GCLC: variants seen among roughly 807,000 people sequenced by gnomAD.
The protein encoded by GCLC is glutamate--cysteine ligase catalytic subunit.
GCLC carries 30 observed loss-of-function variants against 81.5 expected under a neutral mutation model. The observed-to-expected ratio is 0.37, with a 90% CI of 0.28 to 0.50. GCLC has a LOEUF of 0.50. GCLC is among the 20% of genes least tolerant of loss of function. The pLI is 0.96. For missense variants in GCLC, 556 were observed against 777.4 expected, an observed-to-expected ratio of 0.72 and a Z score of 3.39; for synonymous variants, 262 against 273.3, an observed-to-expected ratio of 0.96 and a Z score of 0.41.
intron 1 of GCLC, among the ~76,000 whole-genome samples, chr6:53,529,859 A>C (rs1271975504): frequency 6.6e-6 from 1 of 152,238 alleles, no homozygotes; most frequent in Non-Finnish European, 1.5e-5. Context: ...CTCTAGGTGC[A>C]GGAGAGTTTA....
intron 4 of GCLC, among the ~76,000 whole-genome samples, chr6:53,515,401 A>C (rs1461766730): frequency 6.6e-6 from 1 of 152,220 alleles, no homozygotes; most frequent in South Asian, 2.1e-4. Context: ...ATTTTCCTTT[A>C]AACACATGAC....
At position 53,500,298 on chromosome 6, in the gene GCLC, G is replaced by A. The variant is rs149292710; in HGVS notation, c.1530C>T (p.Leu510=). ...GCGKAQNSTE[L]AAEEYTLMSI... is the part of the protein sequence containing the mutation. Reference sequence around the variant, plus strand: ...TCATGAGGGTGTACTCCTCTGCAGCGAGCTCCGTGCTGTTCTGGGCCTTGC... The same window carrying A: ...TCATGAGGGTGTACTCCTCTGCAGCAAGCTCCGTGCTGTTCTGGGCCTTGC... The change falls in exon 14 of 16, where the codon CTC becomes CTT. Residue 510 remains leucine (L), a synonymous_variant. Transcript: ENST00000650454. The A allele has an allele frequency of 2.9e-5, 47 of 1,614,034 alleles. No homozygotes were observed. The highest frequency in any genetic ancestry group is 5.3e-5 in the African/African-American group (4 of 74,902).
intron 1 of GCLC, 44 bp downstream of exon 1, chr6:53,544,452 C>T (rs113930884): frequency 2.5e-6 from 4 of 1,596,574 alleles, no homozygotes; most frequent in East Asian, 2.2e-5. Context: ...GCGCGGGCGG[C>T]CAGACACGGG....
chr6:53,516,069 A>G lies in GCLC; in HGVS notation c.560+40T>C, dbSNP rs372187456. 174 of 1,112,718 alleles carry G rather than the reference A, an allele frequency of 1.6e-4. 1 individual carries two copies. Among genetic ancestry groups the G allele is most frequent in the Non-Finnish European group, 2.4e-4 (171 of 722,582 alleles). 68.9% of individuals were successfully genotyped at this position (1,112,718 alleles called of 1,614,324 possible). ...CTATACTCTCAGAAGTCAGGGGTCT[A>G]GTGAAGGGCATCTGCATTTCAACAC... On this transcript the variant is annotated intron_variant, in intron 4 of 15. Transcript: ENST00000650454.
chr6:53,500,614 G>A, intron 12 of GCLC, 101 bp from the exon 13 acceptor site: 1 of 844,832 alleles, frequency 1.2e-6, no homozygotes, highest in East Asian at 2.4e-5. Flanking sequence ...CATTCCCTTA[G>A]GGATTCTACT....
At chr6:53,544,165 C>T (rs1763405323) in intron 1 of GCLC, among the ~76,000 whole-genome samples, 2 of 152,190 alleles carry the variant, frequency 1.3e-5, no homozygotes, top group Admixed American at 1.3e-4. Context: ...TGGTAGTTGC[C>T]GGTCTGCAGA....
intron 1 of GCLC, among the ~76,000 whole-genome samples, chr6:53,540,409 C>T (rs1459619846): frequency 6.6e-6 from 1 of 151,288 alleles, no homozygotes; most frequent in Non-Finnish European, 1.5e-5. Flanking sequence ...ATACATCGGT[C>T]ACAGAAGGAC....
At chr6:53,509,551 A>C (rs1322263214) in intron 6 of GCLC, 1 of 471,902 alleles carries the variant, frequency 2.1e-6, no homozygotes, top group Non-Finnish European at 3.8e-6. Context: ...ATGTTTAGCA[A>C]AGCATTTTCT....
chr6:53,529,683 T>C (rs1763141155), intron 1 of GCLC, among the ~76,000 whole-genome samples: 1 of 152,252 alleles, frequency 6.6e-6, no homozygotes, highest in South Asian at 2.1e-4. Flanking sequence ...TCCTTGGCTT[T>C]TTCCTAAGAA....
chr6:53,511,014 A>G (rs758248235), intron 6 of GCLC, among the ~76,000 whole-genome samples: 70 of 152,344 alleles, frequency 4.6e-4, no homozygotes, highest in Admixed American at 6.5e-5. Context: ...CGCTTTGCAT[A>G]TGGCATGAAA....
chr6:53,497,813 C>G lies in GCLC; in HGVS notation c.*943G>C, dbSNP rs1204805483. On this transcript the variant is annotated 3_prime_UTR_variant, in exon 16 of 16. Transcript: ENST00000650454. ...ATGTAGAATATTCCCCAGGTAAAAT[C>G]TGGAGTGAATGGCTTTTAGAGGAAA... 6.6e-6 allele frequency: 1 copy of G among 152,448 alleles called. No homozygotes were observed. The highest frequency in any genetic ancestry group is 2.4e-5 in the African/African-American group (1 of 41,370). 9.4% of individuals were successfully genotyped at this position (152,448 alleles called of 1,614,324 possible). A position where few individuals can be genotyped will look rare whatever the true frequency, so the allele number is the denominator to read the frequency against.
At chr6:53,515,842 A>G (rs1012180940) in intron 4 of GCLC, among the ~76,000 whole-genome samples, 1 of 152,216 alleles carries the variant, frequency 6.6e-6, no homozygotes, top group Admixed American at 6.5e-5. Context: ...CTCCCTATTA[A>G]AAGAGTTATT....
intron 1 of GCLC, among the ~76,000 whole-genome samples, chr6:53,527,860 G>A (rs1763109415): frequency 6.6e-6 from 1 of 152,182 alleles, no homozygotes. Flanking sequence ...CCCCAGGGGA[G>A]CTGCACCACT....
intron 6 of GCLC, among the ~76,000 whole-genome samples, chr6:53,511,200 G>A (rs1300442356): frequency 2.0e-5 from 2 of 100,656 alleles, no homozygotes; most frequent in Admixed American, 1.1e-4. Flanking sequence ...AAAAAAAAAA[G>A]TGGGGGGGGG....
intron 8 of GCLC, 131 bp downstream of exon 8, chr6:53,508,464 C>T (rs1764663317): frequency 5.3e-6 from 4 of 754,040 alleles, no homozygotes; most frequent in Admixed American, 1.7e-5. Context: ...ATTAACTCCC[C>T]ACCTAGACCA....
At position 53,506,338 on chromosome 6, in the gene GCLC, G is replaced by A; in HGVS notation, c.1198-443C>T. Reference sequence around the variant, plus strand: ...CTTCGATGACCCAAGAGCCTAAGAAGGGTAGCTGTTTCTCAATACACTGAG... The same window carrying A: ...CTTCGATGACCCAAGAGCCTAAGAAAGGTAGCTGTTTCTCAATACACTGAG... On this transcript the variant is annotated intron_variant, in intron 10 of 15. Transcript: ENST00000650454. The surrounding 1 kb of genome is among the most constrained non-coding windows in gnomAD (Gnocchi z 4.0). The A allele has an allele frequency of 4.0e-6, 1 of 252,944 alleles. No individual in the cohort carries two copies. Among genetic ancestry groups the A allele is most frequent in the Non-Finnish European group, 7.7e-6 (1 of 130,196 alleles). The allele number at this position is 252,944 out of a possible 1,614,324, so 15.7% of individuals were successfully genotyped here.
At position 53,506,748 on chromosome 6, in the gene GCLC, T is replaced by C; in HGVS notation, c.1197+165A>G. Reference sequence around the variant, plus strand: ...TTTTTTATTTGTCCAAGTTCTTTACTGCACTGGGTAAATGAAAGTCTTATG... The same window carrying C: ...TTTTTTATTTGTCCAAGTTCTTTACCGCACTGGGTAAATGAAAGTCTTATG... On this transcript the variant is annotated intron_variant, in intron 10 of 15. Transcript: ENST00000650454. This position sits in a 1 kb window ranked among gnomAD's most constrained non-coding sequence, Gnocchi z 4.0. 1.1e-5 allele frequency: 7 copies of C among 621,976 alleles called. 1 individual carries two copies. In the South Asian group the frequency reaches 1.2e-4, roughly 10 times the overall value. 38.5% of individuals were successfully genotyped at this position (621,976 alleles called of 1,614,324 possible). A position where few individuals can be genotyped will look rare whatever the true frequency, so the allele number is the denominator to read the frequency against.
chr6:53,522,817 T>C (rs935096298), intron 1 of GCLC: 3 of 263,262 alleles, frequency 1.1e-5, no homozygotes, highest in Non-Finnish European at 2.2e-5. Flanking sequence ...AAAAAAGATG[T>C]GTTTTGAAGC....
chr6:53,525,701 C>A (rs1334272050), intron 1 of GCLC, among the ~76,000 whole-genome samples: 2 of 151,992 alleles, frequency 1.3e-5, no homozygotes, highest in Non-Finnish European at 1.5e-5. Context: ...GCATACATAC[C>A]CAAAGAGCAT....
Sources: gnomAD v4.1 joint callset for allele counts (sites outside exome capture counted in the v4.1 genomes callset) on GRCh38, gnomAD v4.1.1 for gene constraint, Gnocchi (gnomAD v3.1) non-coding constraint, MANE v1.5 for transcripts, NCBI Gene and HGNC (gene_info 2026-07-23, HGNC 2026-07-21) for gene names.